MARCHF4: variants seen among roughly 807,000 people sequenced by gnomAD.
The protein encoded by MARCHF4 is membrane associated ring-CH-type finger 4, also known as E3 ubiquitin-protein ligase MARCHF4.
Under a neutral mutation model 43.9 loss-of-function variants are expected in MARCHF4, and 14 were observed. The ratio of observed to expected loss-of-function variants is 0.32; its 90% CI spans 0.21 to 0.50. The LOEUF is 0.50. Ranked by LOEUF, MARCHF4 falls within the 20% of genes least tolerant of loss-of-function variation. MARCHF4 has a pLI of 0.98. For missense variants in MARCHF4, 468 were observed against 536.7 expected, an observed-to-expected ratio of 0.87 and a Z score of 1.27; for synonymous variants, 226 against 213.3, an observed-to-expected ratio of 1.06 and a Z score of -0.52.
chr2:216,283,851 T>A (rs1461745317), intron 1 of MARCHF4, 122 bp from the exon 2 acceptor site: 4 of 1,073,268 alleles, frequency 3.7e-6, no homozygotes, highest in Non-Finnish European at 5.2e-6. Context: ...CAGGCTTTGT[T>A]TGGGGGCACC....
intron 1 of MARCHF4, among the ~76,000 whole-genome samples, chr2:216,330,095 T>TAA (rs796612385): frequency 2.1e-5 from 3 of 144,124 alleles, no homozygotes; most frequent in Non-Finnish European, 3.1e-5. Context: ...TCTGCCTCAT[T>TAA]AAAAAAAAAA....
intron 1 of MARCHF4, among the ~76,000 whole-genome samples, chr2:216,354,963 CTTTCTTTCTTTCTTTCTTTCTTTTT>C (rs1692474310): frequency 3.1e-5 from 4 of 129,118 alleles, no homozygotes; most frequent in Non-Finnish European, 6.4e-5. Flanking sequence ...TTCTTTCTTT[CTTTCTTTCTTTCTTTCTTTCTTTTT>C]TGAGACAGAG....
rs1482987891 is a variant in MARCHF4, at chr2:216,372,298, C to CCGCCGCCGG, written c.-2047_-2039dup. ...CAGCGAGGGAGGCTCTCGGCTATCT[C>CCGCCGCCGG]CGCCGCCGGCGCCGCGGCCGCCGCT... is the stretch of plus-strand genomic sequence containing the variant. On this transcript the variant is annotated 5_prime_UTR_variant, in exon 1 of 4. Transcript: ENST00000273067. 2.6e-5 allele frequency among the ~76,000 whole-genome samples: 4 copies of CCGCCGCCGG among 152,106 alleles called. No homozygotes were observed. The highest frequency in any genetic ancestry group is 4.8e-5 in the African/African-American group (2 of 41,420).
chr2:216,307,693 C>T lies in MARCHF4; in HGVS notation c.517-23964G>A, dbSNP rs368592986. On this transcript the variant is annotated intron_variant, in intron 1 of 3. Transcript: ENST00000273067. ...TTCTCCCAGAGCACATGGAGGCCCC[C>T]GTGACAGCTCGACTGAATACAGGTT... 3.9e-4 allele frequency among the ~76,000 whole-genome samples: 60 copies of T among 152,228 alleles called. No individual in the cohort carries two copies. In the South Asian group the frequency reaches 5.2e-3, roughly 13 times the overall value.
intron 1 of MARCHF4, among the ~76,000 whole-genome samples, chr2:216,350,294 C>T (rs1394000819): frequency 2.3e-5 from 3 of 130,724 alleles, no homozygotes; most frequent in Non-Finnish European, 4.9e-5. Flanking sequence ...CTGTGCTACA[C>T]CCCCTCACTG....
At chr2:216,339,516 A>G (rs569470374) in intron 1 of MARCHF4, among the ~76,000 whole-genome samples, 19 of 152,226 alleles carry the variant, frequency 1.2e-4, no homozygotes, top group African/African-American at 4.6e-4. Context: ...AAAACACAAA[A>G]TCCATTCATT....
At chr2:216,273,754 C>T (rs1247269903) in intron 3 of MARCHF4, among the ~76,000 whole-genome samples, 5 of 152,192 alleles carry the variant, frequency 3.3e-5, no homozygotes, top group Admixed American at 6.5e-5. Flanking sequence ...CCTTTGTTTC[C>T]GCCTTCGTGC....
rs1010005375 is a variant in MARCHF4 at position 216,333,772 on chromosome 2, A to G, written c.516+35973T>C. Among the ~76,000 whole-genome samples, 13 of 152,134 alleles carry G rather than the reference A, an allele frequency of 8.5e-5. 1 individual carries two copies. The highest frequency in any genetic ancestry group is 7.2e-4 in the Admixed American group (11 of 15,280). On this transcript the variant is annotated intron_variant, in intron 1 of 3. Transcript: ENST00000273067. ...GCGTGACGAGGGCTTCTATCCTCCT[A>G]TATTTAGCAGCTCCTGGAAAGAGAC... is the stretch of plus-strand genomic sequence containing the variant.
At chr2:216,323,086 T>G (rs553462259) in intron 1 of MARCHF4, among the ~76,000 whole-genome samples, 1 of 152,334 alleles carries the variant, frequency 6.6e-6, no homozygotes, top group African/African-American at 2.4e-5. Flanking sequence ...GTTTTCTGAA[T>G]GAGTGTACCT....
chr2:216,290,211 T>C (rs916967135), intron 1 of MARCHF4, among the ~76,000 whole-genome samples: 2 of 151,962 alleles, frequency 1.3e-5, no homozygotes, highest in East Asian at 1.9e-4. Context: ...AAATCCTACA[T>C]AGGGTGACTG....
intron 1 of MARCHF4, among the ~76,000 whole-genome samples, chr2:216,345,003 T>G (rs1160754628): frequency 6.6e-6 from 1 of 151,824 alleles, no homozygotes; most frequent in Non-Finnish European, 1.5e-5. Flanking sequence ...GATGTTGGAA[T>G]GTGAACGGCT....
intron 1 of MARCHF4, 141 bp from the exon 2 acceptor site, chr2:216,283,870 T>C (rs1203633994): frequency 4.5e-6 from 4 of 896,028 alleles, no homozygotes; most frequent in African/African-American, 1.7e-5. Flanking sequence ...CCAGACTCCA[T>C]GGAGGAGGCC....
intron 1 of MARCHF4, among the ~76,000 whole-genome samples, chr2:216,369,161 T>C (rs772335903): frequency 5.9e-5 from 9 of 152,202 alleles, no homozygotes; most frequent in Non-Finnish European, 7.4e-5. Context: ...GCAAATCATA[T>C]AGTCTTGGAC....
At chr2:216,346,195 CTAGAA>C (rs1298772810) in intron 1 of MARCHF4, among the ~76,000 whole-genome samples, 1 of 152,174 alleles carries the variant, frequency 6.6e-6, no homozygotes, top group African/African-American at 2.4e-5. Flanking sequence ...TCTGGGCAAA[CTAGAA>C]TAGTTGGTCA....
intron 3 of MARCHF4, among the ~76,000 whole-genome samples, chr2:216,267,324 GC>G (rs1690861992): frequency 6.6e-6 from 1 of 152,166 alleles, no homozygotes; most frequent in East Asian, 1.9e-4. Context: ...AATGAGGTTT[GC>G]CCAATAAAAA....
At chr2:216,360,644 G>A (rs2105984205) in intron 1 of MARCHF4, among the ~76,000 whole-genome samples, 1 of 152,244 alleles carries the variant, frequency 6.6e-6, no homozygotes, top group East Asian at 1.9e-4. Context: ...GGTTTTTAGG[G>A]CAGTAAAACC....
At chr2:216,275,714 C>G (rs1691008512) in intron 3 of MARCHF4, among the ~76,000 whole-genome samples, 2 of 152,204 alleles carry the variant, frequency 1.3e-5, no homozygotes, top group African/African-American at 2.4e-5. Flanking sequence ...TTTGTCCGTG[C>G]TCCCTCCAGG....
At chr2:216,270,588 T>C (rs1034075624) in intron 3 of MARCHF4, among the ~76,000 whole-genome samples, 20 of 152,300 alleles carry the variant, frequency 1.3e-4, no homozygotes, top group African/African-American at 4.6e-4. Context: ...ATGTACTCCA[T>C]GTGTCTTGTT....
Position 216,371,209 on chromosome 2 carries a change from C to CATT in MARCHF4, c.-950_-949insAAT, listed in dbSNP as rs1692754301. On this transcript the variant is annotated 5_prime_UTR_variant, in exon 1 of 4. In the 5' UTR this introduces an upstream ATG that the reference lacks. Transcript: ENST00000273067. ...GTACCGGGGTGAGAGGGCAGTGGAG[C>CATT]AGAGAATAGGGGTAGAGGAGAGGGG... 6.5e-6 allele frequency: 1 copy of CATT among 152,704 alleles called. No individual in the cohort carries two copies. Among genetic ancestry groups the CATT allele is most frequent in the African/African-American group, 2.4e-5 (1 of 41,416 alleles). 9.5% of individuals were successfully genotyped at this position (152,704 alleles called of 1,614,324 possible). A position where few individuals can be genotyped will look rare whatever the true frequency, so the allele number is the denominator to read the frequency against.
Sources: allele counts gnomAD v4.1 joint callset (sites outside exome capture counted in the v4.1 genomes callset), GRCh38; gene constraint gnomAD v4.1.1; transcripts MANE v1.5; gene names NCBI Gene and HGNC (gene_info 2026-07-23, HGNC 2026-07-21).